The following BIRC6 variants were observed in gnomAD, a reference collection of about 807,000 sequenced individuals.
The protein encoded by BIRC6 is baculoviral IAP repeat containing 6.
BIRC6 carries 98 observed loss-of-function variants against 503.3 expected under a neutral mutation model. The ratio of observed to expected loss-of-function variants is 0.19; its 90% CI spans 0.17 to 0.23. The LOEUF (loss-of-function observed/expected upper bound fraction) is 0.23, where lower values mean the gene tolerates loss of function less well. Among genes scored for constraint, BIRC6 ranks in the 10% least tolerant of loss-of-function variants. BIRC6 has a pLI of 1.00. For synonymous variants in BIRC6, 2,240 were observed against 2,078.7 expected (o/e 1.08, Z -2.11); for missense variants, 5,360 against 5,806.0 (o/e 0.92, Z 2.50).
intron 32 of BIRC6, among the ~76,000 whole-genome samples, chr2:32,471,940 A>C (rs1351152490): frequency 6.6e-6 from 1 of 152,190 alleles, no homozygotes; most frequent in Non-Finnish European, 1.5e-5. Flanking sequence ...TATGTTTAGG[A>C]AGATGATGGG....
In BIRC6 at chr2:32,500,129, A is replaced by G. The variant is rs779053356; in HGVS notation, c.9031+20A>G. 1.9e-6 allele frequency: 3 copies of G among 1,553,538 alleles called. No individual in the cohort carries two copies. Among genetic ancestry groups the G allele is most frequent in the Non-Finnish European group, 2.6e-6 (3 of 1,144,962 alleles). Reference sequence around the variant, plus strand: ...TAATTGGTATGTATTGAGAATATTAATCTTACCATTGTCTCTGATACTATA... The same window carrying G: ...TAATTGGTATGTATTGAGAATATTAGTCTTACCATTGTCTCTGATACTATA... On this transcript the variant is annotated intron_variant, in intron 46 of 73. Coordinates refer to ENST00000421745, the MANE Select transcript of BIRC6 (RefSeq NM_016252.4).
At chr2:32,474,179 T>C (rs1051018594) in intron 33 of BIRC6, among the ~76,000 whole-genome samples, 11 of 152,138 alleles carry the variant, frequency 7.2e-5, no homozygotes, top group Non-Finnish European at 1.5e-4. Flanking sequence ...ATTTAAAAAA[T>C]TTTTTGATTT....
chr2:32,567,089 G>A (rs1025901790), intron 65 of BIRC6, among the ~76,000 whole-genome samples: 3 of 152,280 alleles, frequency 2.0e-5, no homozygotes, highest in Admixed American at 6.5e-5. Context: ...ACCTGCCTCA[G>A]CCTCCCGATT....
chr2:32,617,485 G>C (rs2063321980), intron 73 of BIRC6, among the ~76,000 whole-genome samples: 1 of 152,200 alleles, frequency 6.6e-6, no homozygotes, highest in Non-Finnish European at 1.5e-5. Context: ...GCATGGGTAG[G>C]ATCTACTGGT....
At chr2:32,602,868 A>C in intron 70 of BIRC6, 138 bp from the exon 71 acceptor site, 1 of 588,462 alleles carries the variant, frequency 1.7e-6, no homozygotes, top group Non-Finnish European at 2.8e-6. Context: ...TTAACAGACA[A>C]CCCTTAGGGT....
chr2:32,522,685 G>A (rs950122926), intron 57 of BIRC6: 1 of 152,084 alleles, frequency 6.6e-6, no homozygotes, highest in African/African-American at 2.4e-5. Context: ...ACTCTGTTAG[G>A]AATTCACTAG....
chr2:32,395,140 GAGACTC>G (rs1558610508), intron 5 of BIRC6, among the ~76,000 whole-genome samples: 1 of 152,138 alleles, frequency 6.6e-6, no homozygotes, highest in African/African-American at 2.4e-5. Flanking sequence ...GTGACAGAGC[GAGACTC>G]AGTCTCAAAA....
intron 57 of BIRC6, 181 bp from the exon 58 acceptor site, chr2:32,524,707 C>T: frequency 1.3e-5 from 4 of 308,060 alleles, no homozygotes; most frequent in Non-Finnish European, 1.8e-5. Flanking sequence ...GAGTCTTCCT[C>T]ATCAATGTCA....
chr2:32,607,394 A>G (rs1329861591), intron 71 of BIRC6, 61 bp from the exon 72 acceptor site: 1 of 1,181,016 alleles, frequency 8.5e-7, no homozygotes, highest in East Asian at 2.5e-5. Flanking sequence ...ATAAAGCAGG[A>G]TATCAGTTAA....
At chr2:32,566,592 G>A (rs1004925662) in intron 65 of BIRC6, among the ~76,000 whole-genome samples, 5 of 152,122 alleles carry the variant, frequency 3.3e-5, no homozygotes, top group African/African-American at 9.7e-5. Flanking sequence ...GGGCTCTAGC[G>A]ATGCTTCTGC....
chr2:32,402,326 G>T (rs2040697127), intron 8 of BIRC6, among the ~76,000 whole-genome samples: 1 of 152,170 alleles, frequency 6.6e-6, no homozygotes, highest in Non-Finnish European at 1.5e-5. Flanking sequence ...GAAGAAGATT[G>T]TGTAGGCAGC....
chr2:32,617,400 C>CA (rs897533623), intron 73 of BIRC6, among the ~76,000 whole-genome samples: 54 of 146,936 alleles, frequency 3.7e-4, no homozygotes, highest in South Asian at 1.1e-3. Flanking sequence ...GACTCCGTCT[C>CA]AAAAAAAAAA....
chr2:32,420,241 A>G (rs1257727919), intron 10 of BIRC6, among the ~76,000 whole-genome samples: 2 of 152,136 alleles, frequency 1.3e-5, no homozygotes, highest in Non-Finnish European at 2.9e-5. Flanking sequence ...TGAGTTGGGA[A>G]GTATTCGCTC....
chr2:32,444,208 G>A (rs1285673863), intron 20 of BIRC6, among the ~76,000 whole-genome samples: 1 of 152,082 alleles, frequency 6.6e-6, no homozygotes, highest in Non-Finnish European at 1.5e-5. Context: ...AAGTTCTAGT[G>A]TTTGATAGCA....
intron 66 of BIRC6, among the ~76,000 whole-genome samples, chr2:32,582,490 G>A (rs867901289): frequency 1.6e-4 from 25 of 152,134 alleles, no homozygotes; most frequent in African/African-American, 4.8e-4. Flanking sequence ...TTAGCTGGGC[G>A]TGGTGGCTCA....
intron 46 of BIRC6, among the ~76,000 whole-genome samples, chr2:32,501,233 C>T (rs1299972681): frequency 6.6e-6 from 1 of 152,086 alleles, no homozygotes; most frequent in Non-Finnish European, 1.5e-5. Flanking sequence ...GTGTGAGAAA[C>T]AGCCACATCT....
At chr2:32,377,198 A>T (rs1477861010) in intron 1 of BIRC6, among the ~76,000 whole-genome samples, 1 of 147,344 alleles carries the variant, frequency 6.8e-6, no homozygotes, top group African/African-American at 2.6e-5. Flanking sequence ...TTTGCTTATT[A>T]TTCCCTTAAT....
chr2:32,499,163 C>T (rs1323244088), intron 45 of BIRC6, among the ~76,000 whole-genome samples: 1 of 152,124 alleles, frequency 6.6e-6, no homozygotes, highest in Non-Finnish European at 1.5e-5. Flanking sequence ...GTATCATTAT[C>T]AGTAGGAAAT....
chr2:32,413,054 T>G (rs74177012), intron 9 of BIRC6, among the ~76,000 whole-genome samples: 31,176 of 151,356 alleles, frequency 0.21, 4,261 homozygotes, highest in East Asian at 0.56. Context: ...TTGCCCAGAC[T>G]AGAGAGTACA....
Sources: gnomAD v4.1 joint callset for allele counts (sites outside exome capture counted in the v4.1 genomes callset) on GRCh38, gnomAD v4.1.1 for gene constraint, MANE v1.5 for transcripts, NCBI Gene and HGNC (gene_info 2026-07-23, HGNC 2026-07-21) for gene names.